The following PDE4D variants were observed in gnomAD, a reference collection of about 807,000 sequenced individuals.
PDE4D encodes the protein 3',5'-cyclic-AMP phosphodiesterase 4D.
In PDE4D, 24 loss-of-function variants were observed where a neutral mutation model predicts 87.4. The ratio of observed to expected loss-of-function variants is 0.27; its 90% CI spans 0.20 to 0.39. The LOEUF is 0.39. PDE4D is among the 10% of genes least tolerant of loss of function. The pLI is 1.00. For missense variants in PDE4D, 714 were observed against 1,041.0 expected (o/e 0.69, Z 4.32); for synonymous variants, 384 against 383.2 (o/e 1.00, Z -0.02).
chr5:59,009,343 GGTAAAC>G (rs1752299477), intron 6 of PDE4D, among the ~76,000 whole-genome samples: 1 of 151,750 alleles, frequency 6.6e-6, no homozygotes, highest in African/African-American at 2.4e-5. Flanking sequence ...CTGGTGAATG[GGTAAAC>G]AAATTGTGTC....
intron 1 of PDE4D, among the ~76,000 whole-genome samples, chr5:60,256,411 T>A (rs933767793): frequency 7.9e-5 from 12 of 151,976 alleles, no homozygotes; most frequent in Admixed American, 2.0e-4. Flanking sequence ...ATAATCACAA[T>A]CTATTTTATT....
At chr5:60,466,578 G>A (rs1026614254) in intron 1 of PDE4D, among the ~76,000 whole-genome samples, 3 of 152,032 alleles carry the variant, frequency 2.0e-5, no homozygotes, top group African/African-American at 7.2e-5. Context: ...TATTTTTTCT[G>A]TGCACCACAA....
At chr5:59,879,737 T>G (rs527912755) in intron 1 of PDE4D, among the ~76,000 whole-genome samples, 18 of 152,304 alleles carry the variant, frequency 1.2e-4, no homozygotes, top group African/African-American at 3.4e-4. Context: ...TTATTGTTTT[T>G]GGGTTTTTTT....
chr5:59,791,085 C>T (rs1021667973), intron 1 of PDE4D, among the ~76,000 whole-genome samples: 6 of 152,176 alleles, frequency 3.9e-5, no homozygotes, highest in East Asian at 1.9e-4. Context: ...GACAGTACGT[C>T]CAGCATCACA....
chr5:60,136,873 G>T (rs1780096132), intron 2 of PDE4D, among the ~76,000 whole-genome samples: 1 of 152,046 alleles, frequency 6.6e-6, no homozygotes, highest in Non-Finnish European at 1.5e-5. Context: ...GGTAAATTGT[G>T]CCATGGTGGT....
intron 1 of PDE4D, among the ~76,000 whole-genome samples, chr5:59,544,875 G>C (rs1223615699): frequency 6.6e-6 from 1 of 152,174 alleles, no homozygotes; most frequent in African/African-American, 2.4e-5. Context: ...TCAAGGATTA[G>C]TTTATTTCTT....
chr5:59,014,645 G>C (rs992513986), intron 6 of PDE4D, among the ~76,000 whole-genome samples: 2 of 151,470 alleles, frequency 1.3e-5, no homozygotes, highest in African/African-American at 4.8e-5. Context: ...AATAAAAGAG[G>C]ACACAAAGCT....
chr5:59,065,766 T>C (rs1031529678), intron 5 of PDE4D, among the ~76,000 whole-genome samples: 1 of 152,186 alleles, frequency 6.6e-6, no homozygotes, highest in Non-Finnish European at 1.5e-5. Context: ...GATGATATCA[T>C]TCACATCGGC....
At chr5:60,163,624 G>C (rs527667916) in intron 2 of PDE4D, among the ~76,000 whole-genome samples, 86 of 152,272 alleles carry the variant, frequency 5.6e-4, no homozygotes, top group Admixed American at 1.2e-3. Flanking sequence ...GATGCACAAG[G>C]CTCAGTTGTA....
chr5:59,246,901 C>T (rs1358171798), intron 1 of PDE4D, among the ~76,000 whole-genome samples: 1 of 151,498 alleles, frequency 6.6e-6, no homozygotes, highest in East Asian at 1.9e-4. Context: ...TACACAGATA[C>T]ATTATCACAG....
chr5:60,167,427 C>T (rs1783027087), intron 2 of PDE4D, among the ~76,000 whole-genome samples: 1 of 151,732 alleles, frequency 6.6e-6, no homozygotes, highest in African/African-American at 2.4e-5. Context: ...CGCCACCTCG[C>T]CCGGCTAATT....
At position 58,975,513 on chromosome 5, in the gene PDE4D, CATAA is replaced by C. The variant is rs1307100181; in HGVS notation, c.2013+140_2013+143del. The C allele has an allele frequency of 7.8e-5, 43 of 551,626 alleles. No homozygotes were observed. Among genetic ancestry groups the C allele is most frequent in the Middle Eastern group, 9.6e-4 (2 of 2,082 alleles). The allele number at this position is 551,626 out of a possible 1,614,324, so 34.2% of individuals were successfully genotyped here. A position where few individuals can be genotyped will look rare whatever the true frequency, so the allele number is the denominator to read the frequency against. Reference sequence around the variant, plus strand: ...TCATAAGAATGAAAGTTCTTTGGATCATAAATACTAAGGTGAAATTGAGCTTGTC... The same window carrying C: ...TCATAAGAATGAAAGTTCTTTGGATCATACTAAGGTGAAATTGAGCTTGTC... On this transcript the variant is annotated intron_variant, in intron 14 of 14. Coordinates refer to ENST00000340635, the MANE Select transcript of PDE4D (RefSeq NM_001104631.2). The surrounding 1 kb of genome is among the most constrained non-coding windows in gnomAD (Gnocchi z 4.2).
intron 1 of PDE4D, among the ~76,000 whole-genome samples, chr5:60,303,738 T>G (rs1335194162): frequency 6.6e-6 from 1 of 152,210 alleles, no homozygotes; most frequent in Non-Finnish European, 1.5e-5. Context: ...TTTGAGTCAG[T>G]GCTGTATGGC....
intron 2 of PDE4D, among the ~76,000 whole-genome samples, chr5:60,110,178 T>C (rs1404118889): frequency 6.6e-6 from 1 of 152,012 alleles, no homozygotes; most frequent in African/African-American, 2.4e-5. Context: ...AATGGGACTA[T>C]ATTAAACTAA....
intron 5 of PDE4D, among the ~76,000 whole-genome samples, chr5:59,065,195 C>G (rs1233596494): frequency 6.6e-6 from 1 of 151,498 alleles, no homozygotes; most frequent in Non-Finnish European, 1.5e-5. Context: ...TTGGATGGAA[C>G]TGGAGGACAT....
intron 6 of PDE4D, among the ~76,000 whole-genome samples, chr5:59,028,475 G>A (rs896063175): frequency 6.7e-6 from 1 of 149,780 alleles, no homozygotes; most frequent in Non-Finnish European, 1.5e-5. Flanking sequence ...TGAGTATCTA[G>A]TATGATTCCT....
intron 1 of PDE4D, among the ~76,000 whole-genome samples, chr5:60,194,059 T>G (rs1048986531): frequency 6.6e-6 from 1 of 151,598 alleles, no homozygotes; most frequent in Admixed American, 6.6e-5. Flanking sequence ...TCTCTCCTCT[T>G]GTAAAAAGTA....
chr5:60,438,637 G>A (rs1744946869), intron 1 of PDE4D, among the ~76,000 whole-genome samples: 1 of 152,034 alleles, frequency 6.6e-6, no homozygotes, highest in Admixed American at 6.6e-5. Context: ...CGTCTATTCA[G>A]GGCCTTGAAA....
At position 59,032,167 on chromosome 5, in the gene PDE4D, TAC is replaced by T. The variant is rs912638329; in HGVS notation, c.921+6690_921+6691del. Among the ~76,000 whole-genome samples the T allele has an allele frequency of 1.8e-4, 27 of 152,220 alleles. 1 individual carries two copies. The highest frequency in any genetic ancestry group is 3.3e-4 in the Admixed American group (5 of 15,282). ...AGCTTTACTAAATCTTTCTATGATG[TAC>T]ACATTTTAAAAATCACATTATACCC... is the stretch of plus-strand genomic sequence containing the variant. On this transcript the variant is annotated intron_variant, in intron 6 of 14. Coordinates refer to ENST00000340635, the MANE Select transcript of PDE4D (RefSeq NM_001104631.2).
Sources: gnomAD v4.1 joint callset for allele counts (sites outside exome capture counted in the v4.1 genomes callset) on GRCh38, gnomAD v4.1.1 for gene constraint, Gnocchi (gnomAD v3.1) non-coding constraint, MANE v1.5 for transcripts, NCBI Gene and HGNC (gene_info 2026-07-23, HGNC 2026-07-21) for gene names.